The following SEL1L3 variants were observed in gnomAD, a reference collection of about 807,000 sequenced individuals.
SEL1L3 encodes SEL1L family member 3.
A neutral mutation model predicts 142.8 loss-of-function variants in SEL1L3; 76 were observed. The ratio of observed to expected loss-of-function variants is 0.53; its 90% CI spans 0.44 to 0.64. The LOEUF is 0.64. Ranked by LOEUF, SEL1L3 falls within the 30% of genes least tolerant of loss-of-function variation. The pLI is 0.00. For synonymous variants in SEL1L3, 504 were observed against 519.6 expected (o/e 0.97, Z 0.41); for missense variants, 1,262 against 1,381.7 (o/e 0.91, Z 1.37).
intron 20 of SEL1L3, among the ~76,000 whole-genome samples, chr4:25,762,897 A>G (rs1718471687): frequency 6.6e-6 from 1 of 151,394 alleles, no homozygotes; most frequent in Non-Finnish European, 1.5e-5. Context: ...AATCACCTGA[A>G]CCTGGGAGGC....
At chr4:25,853,630 A>G (rs564231686) in intron 1 of SEL1L3, among the ~76,000 whole-genome samples, 44 of 151,866 alleles carry the variant, frequency 2.9e-4, no homozygotes, top group African/African-American at 1.0e-3. Flanking sequence ...GTTAAATAAA[A>G]TACATTAATA....
intron 17 of SEL1L3, among the ~76,000 whole-genome samples, 173 bp from the exon 18 acceptor site, chr4:25,768,003 T>A (rs972871194): frequency 6.6e-6 from 1 of 152,170 alleles, no homozygotes; most frequent in African/African-American, 2.4e-5. Flanking sequence ...TGCACTGATT[T>A]ATTTTCTGTC....
chr4:25,832,962 G>C (rs373663417), intron 5 of SEL1L3, 33 bp downstream of exon 5: 3 of 1,302,374 alleles, frequency 2.3e-6, no homozygotes, highest in South Asian at 1.2e-5. Flanking sequence ...GAAAATGCTC[G>C]TATGTCGTGT....
intron 14 of SEL1L3, among the ~76,000 whole-genome samples, 163 bp from the exon 15 acceptor site, chr4:25,782,581 C>T (rs1711515174): frequency 6.6e-6 from 1 of 152,192 alleles, no homozygotes; most frequent in African/African-American, 2.4e-5. Context: ...CTAGAAAACA[C>T]AAGCCTGCCT....
chr4:25,782,448 T>C (rs1720068440), intron 14 of SEL1L3, 30 bp from the exon 15 acceptor site: 1 of 1,596,528 alleles, frequency 6.3e-7, no homozygotes. Context: ...AGAAATTAAC[T>C]TTAGAAAAAT....
intron 20 of SEL1L3, 106 bp from the exon 21 acceptor site, chr4:25,759,174 GTC>G: frequency 8.3e-7 from 1 of 1,205,140 alleles, no homozygotes; most frequent in Non-Finnish European, 1.2e-6. Flanking sequence ...TTTTTTTTAA[GTC>G]TCTAGAGCCA....
At chr4:25,759,100 A>C in intron 20 of SEL1L3, 32 bp from the exon 21 acceptor site, 2 of 1,605,776 alleles carry the variant, frequency 1.2e-6, no homozygotes, top group Non-Finnish European at 1.7e-6. Flanking sequence ...AACTCATCAA[A>C]TCCTTGAAAT....
intron 10 of SEL1L3, 81 bp downstream of exon 10, chr4:25,804,460 A>G: frequency 9.8e-7 from 1 of 1,025,406 alleles, no homozygotes; most frequent in Non-Finnish European, 1.5e-6. Context: ...CAACATGTCC[A>G]GTTCTACCAG....
the SEL1L3 span, among the ~76,000 whole-genome samples, chr4:25,726,224 G>C: frequency 2.2e-5 from 2 of 89,264 alleles, no homozygotes; most frequent in Non-Finnish European, 5.3e-5. Context: ...TGCCCATCTT[G>C]GGTTAAAAAA....
intron 2 of SEL1L3, among the ~76,000 whole-genome samples, chr4:25,837,700 G>A (rs1372353346): frequency 1.3e-5 from 2 of 151,962 alleles, no homozygotes; most frequent in Non-Finnish European, 2.9e-5. Flanking sequence ...ACAATTAGAG[G>A]TAATGAACAA....
the SEL1L3 span, among the ~76,000 whole-genome samples, chr4:25,733,923 G>A: frequency 1.3e-5 from 2 of 152,168 alleles, no homozygotes; most frequent in Non-Finnish European, 2.9e-5. Flanking sequence ...TCAGTTTGTT[G>A]CCATTAAGTA....
At position 25,776,328 on chromosome 4, in the gene SEL1L3, T is replaced by C. The variant is rs779548874; in HGVS notation, c.2618A>G (p.Tyr873Cys). 1 of 1,613,178 alleles carries C rather than the reference T, an allele frequency of 6.2e-7. No homozygotes were observed. The highest frequency in any genetic ancestry group is 8.5e-7 in the Non-Finnish European group (1 of 1,179,350). Residue 873 changes from tyrosine to cysteine, a missense_variant, in exon 17 of 24, where the codon TAC becomes TGC. Around this residue, in one of 3 missense-constraint regions of SEL1L3, gnomAD observed 435 missense variants for 559.2 expected, o/e 0.78. Coordinates refer to ENST00000399878, the MANE Select transcript of SEL1L3 (RefSeq NM_015187.5). ...GCCTTTGCGGATGACATGGCCCAAG[T>C]AGCCATTTTTCTCAGCTACATGTTT... Reference protein sequence around the residue: ...WAKHVAEKNGYLGHVIRKGLN... With the variant: ...WAKHVAEKNGCLGHVIRKGLN...
Position 25,788,353 on chromosome 4 carries a change from G to T in SEL1L3, c.2088C>A (p.Ala696=). Residue 696 remains alanine, a synonymous_variant, in exon 13 of 24, where the codon GCC becomes GCA. Transcript: ENST00000399878. This position sits in a 1 kb window ranked among gnomAD's most constrained non-coding sequence, Gnocchi z 5.3. ...CTTGCTGCCCCCAGAACAGCATCTG[G>T]GCCAATCGTTGCTTAAAGATAATAG... ...RGNAAAQQRL[A]QMLFWGQQGV... 6.2e-7 allele frequency: 1 copy of T among 1,613,780 alleles called. No individual in the cohort carries two copies. The highest frequency in any genetic ancestry group is 1.3e-5 in the African/African-American group (1 of 75,026).
At chr4:25,739,913 GTTTC>G in the SEL1L3 span, among the ~76,000 whole-genome samples, 1 of 151,212 alleles carries the variant, frequency 6.6e-6, no homozygotes, top group African/African-American at 2.4e-5. Context: ...CTCTGATTCA[GTTTC>G]TTTTTTTTTC....
At chr4:25,857,964 C>T (rs1370326047) in intron 1 of SEL1L3, among the ~76,000 whole-genome samples, 6 of 152,260 alleles carry the variant, frequency 3.9e-5, no homozygotes, top group Non-Finnish European at 8.8e-5. Flanking sequence ...AAGCCCTTCT[C>T]CAGGTAGAGA....
chr4:25,776,072 G>A (rs552303284), intron 17 of SEL1L3, among the ~76,000 whole-genome samples: 1 of 152,100 alleles, frequency 6.6e-6, no homozygotes, highest in Admixed American at 6.5e-5. Flanking sequence ...TTCCCCTAGA[G>A]AACAAATTTT....
At chr4:25,811,748 G>GTTTT (rs60024973) in intron 9 of SEL1L3, among the ~76,000 whole-genome samples, 30 of 121,588 alleles carry the variant, frequency 2.5e-4, no homozygotes, top group East Asian at 4.7e-4. Flanking sequence ...TTCTTTTCCT[G>GTTTT]TTTTTTTTTT....
chr4:25,812,991 G>A (rs769847396), intron 9 of SEL1L3, among the ~76,000 whole-genome samples: 18 of 152,302 alleles, frequency 1.2e-4, no homozygotes, highest in East Asian at 7.7e-4. Flanking sequence ...CAGCCTGGGC[G>A]ACAGAGCCAG....
the SEL1L3 span, among the ~76,000 whole-genome samples, chr4:25,716,114 G>T: frequency 6.6e-5 from 10 of 151,846 alleles, no homozygotes; most frequent in Non-Finnish European, 1.3e-4. Context: ...GACAGTAGGA[G>T]AATATATTTT....
Sources: gnomAD v4.1 joint callset for allele counts (sites outside exome capture counted in the v4.1 genomes callset) on GRCh38, gnomAD v4.1.1 for gene constraint, gnomAD v4.1.1 regional missense constraint, Gnocchi (gnomAD v3.1) non-coding constraint, MANE v1.5 for transcripts, NCBI Gene and HGNC (gene_info 2026-07-23, HGNC 2026-07-21) for gene names.